Variants in ZMIZ1 observed in about 807,000 individuals in gnomAD.
The protein encoded by ZMIZ1 is zinc finger MIZ-type containing 1, also known as zinc finger MIZ domain-containing protein 1.
In ZMIZ1, 17 loss-of-function variants were observed where a neutral mutation model predicts 113.9. That is an observed-to-expected ratio of 0.15 (90% CI 0.10 to 0.22). The LOEUF (loss-of-function observed/expected upper bound fraction) is 0.22, where lower values mean the gene tolerates loss of function less well. Among genes scored for constraint, ZMIZ1 ranks in the 10% least tolerant of loss-of-function variants. The pLI is 1.00. For synonymous variants in ZMIZ1, 607 were observed against 603.1 expected (o/e 1.01, Z -0.09); for missense variants, 1,059 against 1,477.8 (o/e 0.72, Z 4.65).
At chr10:79,175,678 C>A (rs1846829094) in intron 4 of ZMIZ1, among the ~76,000 whole-genome samples, 1 of 151,432 alleles carries the variant, frequency 6.6e-6, no homozygotes, top group South Asian at 2.1e-4. Flanking sequence ...CTGGCCACCA[C>A]ACCCTTCACA....
intron 1 of ZMIZ1, among the ~76,000 whole-genome samples, chr10:79,091,913 C>G (rs1257266456): frequency 6.6e-6 from 1 of 152,144 alleles, no homozygotes; most frequent in African/African-American, 2.4e-5. Flanking sequence ...TGACAGGGAG[C>G]CACCTGGGTT....
chr10:79,287,397 A>G (rs572164841), intron 8 of ZMIZ1, among the ~76,000 whole-genome samples: 4 of 152,368 alleles, frequency 2.6e-5, no homozygotes, highest in African/African-American at 9.6e-5. Context: ...TGCCTGGCCA[A>G]CTGAGTGCCC....
intron 2 of ZMIZ1, among the ~76,000 whole-genome samples, chr10:79,127,613 CAGAGA>C (rs1304142378): frequency 6.6e-6 from 1 of 152,100 alleles, no homozygotes; most frequent in African/African-American, 2.4e-5. Context: ...GAACTGGAGT[CAGAGA>C]AGAGAAGGCA....
In ZMIZ1 at chr10:79,105,366, C is replaced by T. The variant is rs558232230; in HGVS notation, c.-336-13549C>T. On this transcript the variant is annotated intron_variant, in intron 1 of 24. Transcript: ENST00000334512. ...GCTTGGCCACTGACTGCTGTGTGACCTGGGGCCATTGGCCCACCTCTCTGA... is the reference window on the plus strand; with the variant it reads ...GCTTGGCCACTGACTGCTGTGTGACTTGGGGCCATTGGCCCACCTCTCTGA... Among the ~76,000 whole-genome samples, 9 of 152,378 alleles carry T rather than the reference C, an allele frequency of 5.9e-5. No homozygotes were observed. In the East Asian group the frequency reaches 1.7e-3, roughly 29 times the overall value.
chr10:79,169,689 G>A (rs1846519916), intron 4 of ZMIZ1, among the ~76,000 whole-genome samples: 1 of 152,226 alleles, frequency 6.6e-6, no homozygotes, highest in Non-Finnish European at 1.5e-5. Context: ...ACAGTCCTGG[G>A]TTCAAATCTC....
intron 1 of ZMIZ1, among the ~76,000 whole-genome samples, chr10:79,107,626 C>T (rs1843607950): frequency 6.6e-6 from 1 of 152,178 alleles, no homozygotes; most frequent in Non-Finnish European, 1.5e-5. Context: ...GGGACCGTCT[C>T]CATTGCTCCC....
intron 7 of ZMIZ1, among the ~76,000 whole-genome samples, chr10:79,273,348 TTTTCTTTC>T (rs72149160): frequency 0.16 from 24,800 of 151,634 alleles, 3,580 homozygotes; most frequent in African/African-American, 0.39. Context: ...TTGGTTTCTT[TTTTCTTTC>T]TTTCTTTCTT....
At chr10:79,289,947 C>A in intron 9 of ZMIZ1, 58 bp downstream of exon 9, 1 of 1,528,892 alleles carries the variant, frequency 6.5e-7, no homozygotes, top group East Asian at 2.3e-5. Flanking sequence ...GTCCCTTGAC[C>A]CCTGGAGCCA....
intron 17 of ZMIZ1, among the ~76,000 whole-genome samples, 153 bp downstream of exon 17, chr10:79,301,095 C>A (rs184218950): frequency 6.6e-6 from 1 of 152,142 alleles, no homozygotes; most frequent in Non-Finnish European, 1.5e-5. Context: ...CGTCCCCTTA[C>A]CTGTGCCCAG....
rs577585318 is a variant in ZMIZ1 at position 79,288,898 on chromosome 10, C to T, written c.426-877C>T. On this transcript the variant is annotated intron_variant, in intron 8 of 24. Coordinates refer to ENST00000334512, the MANE Select transcript of ZMIZ1 (RefSeq NM_020338.4). ...AGCTCCTTGGGGAGATGTCCACAAA[C>T]GTGGTGGGTACTGCTGGACCTGGTG... 1.7e-3 allele frequency among the ~76,000 whole-genome samples: 265 copies of T among 152,262 alleles called. 2 individuals are homozygous for T. Among genetic ancestry groups the T allele is most frequent in the Non-Finnish European group, 2.2e-3 (148 of 68,024 alleles).
intron 7 of ZMIZ1, among the ~76,000 whole-genome samples, chr10:79,264,473 C>T (rs1447844262): frequency 2.0e-5 from 3 of 152,350 alleles, no homozygotes; most frequent in South Asian, 2.1e-4. Context: ...CTCTCCAGCA[C>T]GCTTGCTTTG....
chr10:79,116,688 T>C (rs1844046119), intron 1 of ZMIZ1, among the ~76,000 whole-genome samples: 1 of 152,076 alleles, frequency 6.6e-6, no homozygotes, highest in Non-Finnish European at 1.5e-5. Flanking sequence ...ATTGAAGTGT[T>C]ACACCCATGC....
At chr10:79,148,615 C>T (rs1845587448) in intron 3 of ZMIZ1, among the ~76,000 whole-genome samples, 1 of 151,354 alleles carries the variant, frequency 6.6e-6, no homozygotes, top group Non-Finnish European at 1.5e-5. Flanking sequence ...GCCATCATGC[C>T]ACCTACAACT....
chr10:79,202,874 A>T (rs1312673584), intron 5 of ZMIZ1, among the ~76,000 whole-genome samples: 1 of 152,200 alleles, frequency 6.6e-6, no homozygotes, highest in East Asian at 1.9e-4. Context: ...TCATTCCTTT[A>T]TGGACCCATG....
At chr10:79,162,330 C>T (rs972480317) in intron 4 of ZMIZ1, among the ~76,000 whole-genome samples, 197 bp downstream of exon 4, 4 of 152,218 alleles carry the variant, frequency 2.6e-5, no homozygotes, top group Non-Finnish European at 5.9e-5. Context: ...ACCCAGGGAC[C>T]TCTTGGCCTG....
chr10:79,255,936 C>G (rs375594842), intron 7 of ZMIZ1, among the ~76,000 whole-genome samples: 1 of 152,190 alleles, frequency 6.6e-6, no homozygotes, highest in Non-Finnish European at 1.5e-5. Context: ...TGCAGAATTA[C>G]CCCCAAATTG....
intron 8 of ZMIZ1, among the ~76,000 whole-genome samples, chr10:79,289,177 G>C (rs1242802890): frequency 6.6e-6 from 1 of 152,124 alleles, no homozygotes; most frequent in African/African-American, 2.4e-5. Flanking sequence ...GAGAGATCGG[G>C]GTGGGGGCAG....
intron 7 of ZMIZ1, among the ~76,000 whole-genome samples, chr10:79,257,397 A>C (rs563259657): frequency 6.6e-6 from 1 of 152,332 alleles, no homozygotes. Flanking sequence ...GCTCTGCAAA[A>C]GCTTTAGGAC....
chr10:79,143,589 G>A (rs1845358865), intron 3 of ZMIZ1, among the ~76,000 whole-genome samples: 1 of 152,198 alleles, frequency 6.6e-6, no homozygotes, highest in Non-Finnish European at 1.5e-5. Flanking sequence ...TGACAGTGGA[G>A]GGTTTCTGCG....
Sources: allele counts gnomAD v4.1 joint callset (sites outside exome capture counted in the v4.1 genomes callset), GRCh38; gene constraint gnomAD v4.1.1; transcripts MANE v1.5; gene names NCBI Gene and HGNC (gene_info 2026-07-23, HGNC 2026-07-21).